Variants in TIPIN observed in about 807,000 individuals in gnomAD.
The protein encoded by TIPIN is TIMELESS-interacting protein.
A neutral mutation model predicts 35.6 loss-of-function variants in TIPIN; 29 were observed. That is an observed-to-expected ratio of 0.82 (90% CI 0.61 to 1.11). The LOEUF (loss-of-function observed/expected upper bound fraction) is 1.11, where lower values mean the gene tolerates loss of function less well. TIPIN is among the 50% of genes most tolerant of loss of function. The probability of loss-of-function intolerance (pLI) is 0.00; values close to 1 mark genes in which losing one functional copy is unlikely to be tolerated. For missense variants in TIPIN, 296 were observed against 345.4 expected (o/e 0.86, Z 1.13); for synonymous variants, 102 against 121.5 (o/e 0.84, Z 1.06).
At chr15:66,371,129 T>C (rs1226861437) in intron 1 of TIPIN, 1 of 625,038 alleles carries the variant, frequency 1.6e-6, no homozygotes. Context: ...GAGAATCACT[T>C]GAGCCCAGGA....
chr15:66,370,358 C>T (rs8027432), intron 1 of TIPIN, among the ~76,000 whole-genome samples: 16,035 of 152,100 alleles, frequency 0.11, 1,075 homozygotes, highest in Non-Finnish European at 0.15. Flanking sequence ...GGCATCTTTT[C>T]CTTTAATTAA....
intron 1 of TIPIN, among the ~76,000 whole-genome samples, chr15:66,353,410 G>A (rs1459378981): frequency 5.9e-5 from 9 of 152,048 alleles, no homozygotes; most frequent in African/African-American, 1.9e-4. Flanking sequence ...GAGGTCAGGA[G>A]ATCGAGACCA....
At chr15:66,359,077 C>T (rs1595806754), upstream of TIPIN, among the ~76,000 whole-genome samples, 3 of 151,220 alleles carry the variant, frequency 2.0e-5, no homozygotes, top group African/African-American at 4.8e-5. Flanking sequence ...CACTGGGTCC[C>T]GGATGTCGAG....
chr15:66,337,223 A>G, intron 7 of TIPIN, 42 bp from the exon 8 acceptor site: 1 of 1,549,026 alleles, frequency 6.5e-7, no homozygotes, highest in Non-Finnish European at 8.9e-7. Flanking sequence ...TAAGTACCTG[A>G]TCCAATCTTA....
intron 1 of TIPIN, chr15:66,382,779 A>C (rs2093322867): frequency 3.7e-6 from 1 of 268,320 alleles, no homozygotes; most frequent in African/African-American, 2.3e-5. Context: ...TTGACCTACA[A>C]ATAGAGCAAC....
At chr15:66,367,270 A>ATC (rs2093259998) in intron 1 of TIPIN, among the ~76,000 whole-genome samples, 1 of 151,598 alleles carries the variant, frequency 6.6e-6, no homozygotes, top group African/African-American at 2.4e-5. Context: ...ATCTATATCT[A>ATC]TAGATATATA....
At chr15:66,382,102 G>A (rs901705514) in intron 1 of TIPIN, among the ~76,000 whole-genome samples, 9 of 152,072 alleles carry the variant, frequency 5.9e-5, no homozygotes, top group Non-Finnish European at 1.0e-4. Flanking sequence ...ATGTTTACAT[G>A]ATGAAAACCT....
chr15:66,351,723 G>C lies in TIPIN; in HGVS notation c.213-123C>G, dbSNP rs908822727. On this transcript the variant is annotated intron_variant, in intron 3 of 7. Coordinates refer to ENST00000261881, the MANE Select transcript of TIPIN (RefSeq NM_017858.3). ...CGCGATCTCGGGTCACTGCAAGCTC[G>C]GCCTCCCCCAGGTTCACGTCATTCT... 3.9e-5 allele frequency: 29 copies of C among 752,108 alleles called. No individual in the cohort carries two copies. The East Asian group carries it at 7.5e-4, about 19-fold the overall frequency. The allele number at this position is 752,108 out of a possible 1,614,324, so 46.6% of individuals were successfully genotyped here. A position where few individuals can be genotyped will look rare whatever the true frequency, so the allele number is the denominator to read the frequency against.
intron 6 of TIPIN, among the ~76,000 whole-genome samples, chr15:66,343,100 T>C (rs561875656): frequency 8.3e-4 from 126 of 152,320 alleles, no homozygotes; most frequent in African/African-American, 3.0e-3. Context: ...CAGCTGTTTC[T>C]GATTGCCCAG....
intron 1 of TIPIN, among the ~76,000 whole-genome samples, chr15:66,364,103 C>T (rs1036256495): frequency 3.3e-5 from 5 of 151,434 alleles, no homozygotes; most frequent in South Asian, 4.2e-4. Context: ...CATGAGATCT[C>T]GGCAGGGACA....
At chr15:66,346,200 G>A (rs1036351461) in intron 6 of TIPIN, among the ~76,000 whole-genome samples, 2 of 151,354 alleles carry the variant, frequency 1.3e-5, no homozygotes, top group African/African-American at 4.9e-5. Flanking sequence ...CGCCCGTCTT[G>A]GCCTCCCAAA....
chr15:66,380,475 T>C (rs1387313508), intron 1 of TIPIN, among the ~76,000 whole-genome samples: 1 of 152,106 alleles, frequency 6.6e-6, no homozygotes, highest in Non-Finnish European at 1.5e-5. Context: ...TCATTTGCCT[T>C]TGGGTGTTGA....
chr15:66,365,543 T>G (rs2093250334), intron 1 of TIPIN, among the ~76,000 whole-genome samples: 1 of 152,138 alleles, frequency 6.6e-6, no homozygotes, highest in Non-Finnish European at 1.5e-5. Flanking sequence ...CTCTGCATAT[T>G]GTTTTTTTTG....
intron 1 of TIPIN, among the ~76,000 whole-genome samples, chr15:66,364,258 C>T (rs1308943115): frequency 2.7e-5 from 4 of 149,990 alleles, no homozygotes; most frequent in Non-Finnish European, 4.4e-5. Flanking sequence ...CTCTGCCTCC[C>T]GAGTTCAAGC....
chr15:66,372,091 A>C (rs2093279729), intron 1 of TIPIN, among the ~76,000 whole-genome samples: 1 of 152,136 alleles, frequency 6.6e-6, no homozygotes, highest in Non-Finnish European at 1.5e-5. Flanking sequence ...CACTGTGCCT[A>C]GTTGGTAATT....
At chr15:66,357,341 G>A (rs914281201), upstream of TIPIN, among the ~76,000 whole-genome samples, 2 of 152,190 alleles carry the variant, frequency 1.3e-5, no homozygotes, top group Admixed American at 1.3e-4. Context: ...GTTCATAGCA[G>A]AATGCTTCGA....
At chr15:66,361,974 G>A (rs369083822) in intron 1 of TIPIN, among the ~76,000 whole-genome samples, 21 of 148,862 alleles carry the variant, frequency 1.4e-4, no homozygotes, top group Middle Eastern at 7.9e-3. Flanking sequence ...GCCAGACCCC[G>A]TCTCAAAAAA....
At chr15:66,371,294 G>C in intron 1 of TIPIN, 1 of 984,124 alleles carries the variant, frequency 1.0e-6, no homozygotes, top group Non-Finnish European at 1.2e-6. Flanking sequence ...TAATAAGGTA[G>C]TATTTGTTAT....
At chr15:66,379,730 A>G in intron 1 of TIPIN, 1 of 1,608,562 alleles carries the variant, frequency 6.2e-7, no homozygotes. Flanking sequence ...CTTTTCTGTT[A>G]CCCCACCATT....
Sources: gnomAD v4.1 joint callset for allele counts (sites outside exome capture counted in the v4.1 genomes callset) on GRCh38, gnomAD v4.1.1 for gene constraint, MANE v1.5 for transcripts, NCBI Gene and HGNC (gene_info 2026-07-23, HGNC 2026-07-21) for gene names.